Variants in STT3B observed in about 807,000 individuals in gnomAD.
STT3B encodes dolichyl-diphosphooligosaccharide--protein glycosyltransferase subunit STT3B.
STT3B carries 29 observed loss-of-function variants against 96.8 expected under a neutral mutation model. That is an observed-to-expected ratio of 0.30 (90% confidence interval 0.22 to 0.41). The LOEUF is 0.41. Among genes scored for constraint, STT3B ranks in the 10% least tolerant of loss-of-function variants. The pLI, the probability that STT3B is intolerant of heterozygous loss-of-function variation, is 1.00. For missense variants in STT3B, 640 were observed against 1,022.3 expected, an observed-to-expected ratio of 0.63 and a Z score of 5.10; for synonymous variants, 367 against 360.0, an observed-to-expected ratio of 1.02 and a Z score of -0.22.
intron 14 of STT3B, among the ~76,000 whole-genome samples, chr3:31,631,212 T>C (rs567623348): frequency 4.7e-4 from 72 of 152,344 alleles, no homozygotes; most frequent in Admixed American, 1.3e-4. Context: ...TTCAAGTAAT[T>C]CCAAGTGAAT....
At chr3:31,602,844 T>A (rs1001714101) in intron 5 of STT3B, among the ~76,000 whole-genome samples, 1 of 152,120 alleles carries the variant, frequency 6.6e-6, no homozygotes, top group Non-Finnish European at 1.5e-5. Context: ...CTTTTACTTA[T>A]AATTATCCAG....
At chr3:31,624,868 C>G (rs762128717) in intron 11 of STT3B, 46 bp from the exon 12 acceptor site, 2 of 1,484,412 alleles carry the variant, frequency 1.3e-6, no homozygotes, top group East Asian at 2.3e-5. Context: ...TTAGCCTCTT[C>G]ACATTTGTGA....
chr3:31,613,613 A>G (rs1239096860), intron 5 of STT3B, among the ~76,000 whole-genome samples: 1 of 152,068 alleles, frequency 6.6e-6, no homozygotes, highest in African/African-American at 2.4e-5. Context: ...GTAAGATTAC[A>G]TAGTGATCTT....
At chr3:31,581,168 G>A (rs1698375478) in intron 3 of STT3B, among the ~76,000 whole-genome samples, 2 of 151,996 alleles carry the variant, frequency 1.3e-5, no homozygotes, top group South Asian at 4.1e-4. Context: ...AGTTTATAAA[G>A]AAAGTATAAA....
intron 1 of STT3B, among the ~76,000 whole-genome samples, chr3:31,547,820 CT>C (rs1371868409): frequency 6.6e-6 from 1 of 152,202 alleles, no homozygotes; most frequent in Non-Finnish European, 1.5e-5. Context: ...AAGATTTGTT[CT>C]GTGTAAAAGT....
chr3:31,594,774 A>C (rs1286306728), intron 3 of STT3B, among the ~76,000 whole-genome samples: 5 of 152,172 alleles, frequency 3.3e-5, no homozygotes, highest in Admixed American at 3.3e-4. Context: ...TCAAGGAAAC[A>C]CTTAGTTCAA....
intron 1 of STT3B, among the ~76,000 whole-genome samples, chr3:31,543,656 C>T (rs1219087381): frequency 6.6e-6 from 1 of 152,114 alleles, no homozygotes; most frequent in Non-Finnish European, 1.5e-5. Context: ...ATACACATGT[C>T]ATATTATTCT....
intron 1 of STT3B, among the ~76,000 whole-genome samples, chr3:31,539,934 C>T (rs1697221617): frequency 6.6e-6 from 1 of 152,026 alleles, no homozygotes; most frequent in African/African-American, 2.4e-5. Context: ...ATTCTATAAC[C>T]CACAGGATTT....
chr3:31,533,627 C>T (rs973275491), intron 1 of STT3B: 10 of 194,098 alleles, frequency 5.2e-5, no homozygotes, highest in African/African-American at 2.1e-4. Flanking sequence ...AGTGTGGGTG[C>T]AGTCCCTCGC....
chr3:31,625,328 T>C (rs1406625458), intron 12 of STT3B, among the ~76,000 whole-genome samples: 1 of 152,226 alleles, frequency 6.6e-6, no homozygotes, highest in East Asian at 1.9e-4. Context: ...AAATTTAGCT[T>C]ACTGAAGAAT....
chr3:31,596,892 A>T, intron 4 of STT3B, 29 bp downstream of exon 4: 1 of 1,525,284 alleles, frequency 6.6e-7, no homozygotes, highest in Non-Finnish European at 9.1e-7. Context: ...GACTACATGA[A>T]GTCTAGTAGG....
intron 3 of STT3B, among the ~76,000 whole-genome samples, chr3:31,593,762 T>A (rs1488920000): frequency 6.6e-6 from 1 of 152,142 alleles, no homozygotes; most frequent in Non-Finnish European, 1.5e-5. Flanking sequence ...CTCTGTTTCT[T>A]TATGGAAATT....
At chr3:31,583,409 A>C (rs1698457211) in intron 3 of STT3B, among the ~76,000 whole-genome samples, 1 of 152,022 alleles carries the variant, frequency 6.6e-6, no homozygotes, top group African/African-American at 2.4e-5. Flanking sequence ...GGGCTCAAGC[A>C]ATCCTCCCTC....
intron 13 of STT3B, among the ~76,000 whole-genome samples, chr3:31,627,703 AT>A: frequency 6.6e-6 from 1 of 152,292 alleles, no homozygotes; most frequent in Middle Eastern, 3.4e-3. Flanking sequence ...AGTAAACATT[AT>A]TTTTTTGTAT....
chr3:31,607,340 C>T (rs560530366), intron 5 of STT3B, among the ~76,000 whole-genome samples: 192 of 152,236 alleles, frequency 1.3e-3, no homozygotes, highest in African/African-American at 4.4e-3. Flanking sequence ...GCTGTGTCCC[C>T]ACCCAAATCT....
chr3:31,559,380 T>G (rs1192779006), intron 1 of STT3B, among the ~76,000 whole-genome samples: 5 of 151,756 alleles, frequency 3.3e-5, no homozygotes, highest in African/African-American at 1.2e-4. Flanking sequence ...TTCTTATAGG[T>G]TTGGGTATGT....
chr3:31,550,739 C>T (rs781108257), intron 1 of STT3B, among the ~76,000 whole-genome samples: 12 of 151,954 alleles, frequency 7.9e-5, no homozygotes, highest in Non-Finnish European at 1.3e-4. Context: ...AGACAGTGCT[C>T]GTGTGTATCA....
chr3:31,562,934 C>T (rs1027732772), intron 1 of STT3B, among the ~76,000 whole-genome samples: 14 of 152,114 alleles, frequency 9.2e-5, no homozygotes, highest in African/African-American at 3.4e-4. Flanking sequence ...CAGGCAGCTC[C>T]CTGTTAGTCT....
chr3:31,570,682 T>C (rs1698114608), intron 1 of STT3B, among the ~76,000 whole-genome samples: 1 of 152,130 alleles, frequency 6.6e-6, no homozygotes, highest in Non-Finnish European at 1.5e-5. Flanking sequence ...TAAAAACAGA[T>C]TTTATTCAGG....
Sources: gnomAD v4.1 joint callset for allele counts (sites outside exome capture counted in the v4.1 genomes callset) on GRCh38, gnomAD v4.1.1 for gene constraint, MANE v1.5 for transcripts, NCBI Gene and HGNC (gene_info 2026-07-23, HGNC 2026-07-21) for gene names.